The following MICAL2 variants were observed in gnomAD, a reference collection of about 807,000 sequenced individuals.
The protein encoded by MICAL2 is [F-actin]-monooxygenase MICAL2.
In MICAL2, 77 loss-of-function variants were observed where a neutral mutation model predicts 127.3. That is an observed-to-expected ratio of 0.60 (90% CI 0.50 to 0.73). The LOEUF is 0.73. MICAL2 is among the 30% of genes least tolerant of loss of function. MICAL2 has a pLI of 0.00. For synonymous variants in MICAL2, 570 were observed against 551.1 expected (o/e 1.03, Z -0.48); for missense variants, 1,351 against 1,434.4 (o/e 0.94, Z 0.94).
chr11:12,165,876 T>G (rs1261337757), intron 3 of MICAL2, among the ~76,000 whole-genome samples: 1 of 152,216 alleles, frequency 6.6e-6, no homozygotes, highest in East Asian at 1.9e-4. Flanking sequence ...CACTTGGGAT[T>G]ATTGTTTATT....
Position 12,241,167 on chromosome 11 carries a change from G to T in MICAL2, c.2337+5G>T. 2 of 1,612,334 alleles carry T rather than the reference G, an allele frequency of 1.2e-6. No individual in the cohort carries two copies. The highest frequency in any genetic ancestry group is 3.3e-5 in the Admixed American group (2 of 59,786). ...TCACCTCCTCTGAAAAGGCAGGTAG[G>T]GCTCCTTCCAGTGGATGCTGTTTTG... On this transcript the variant is annotated splice_donor_5th_base_variant and intron_variant, in intron 18 of 27. Transcript: ENST00000683283.
At chr11:12,211,818 G>A (rs917994663) in intron 6 of MICAL2, among the ~76,000 whole-genome samples, 13 of 152,162 alleles carry the variant, frequency 8.5e-5, no homozygotes, top group Non-Finnish European at 1.2e-4. Flanking sequence ...CAGGAGACCC[G>A]GCTTCCCTGC....
chr11:12,292,700 C>T (rs538251238), downstream of MICAL2, among the ~76,000 whole-genome samples: 1 of 152,336 alleles, frequency 6.6e-6, no homozygotes, highest in Admixed American at 6.5e-5. Flanking sequence ...GAAGCAACAT[C>T]TCCCTTGAAT....
downstream of MICAL2, among the ~76,000 whole-genome samples, chr11:12,289,803 A>G (rs745636067): frequency 4.1e-4 from 62 of 152,228 alleles, no homozygotes; most frequent in Middle Eastern, 3.4e-3. Flanking sequence ...TCCTGAGCTC[A>G]AGTGATCCAT....
intron 32 of MICAL2, among the ~76,000 whole-genome samples, chr11:12,347,425 A>G (rs903076319): frequency 6.6e-6 from 1 of 152,230 alleles, no homozygotes. Flanking sequence ...GTAACATTAT[A>G]TATCACTGTA....
chr11:12,226,150 T>C (rs993356760), intron 13 of MICAL2, 21 bp from the exon 14 acceptor site: 7 of 1,613,634 alleles, frequency 4.3e-6, no homozygotes, highest in Non-Finnish European at 5.9e-6. Flanking sequence ...TGAATTTCTC[T>C]GCTTTGTTTT....
In MICAL2 at chr11:12,162,090, C is replaced by G. The variant is rs1409494296; in HGVS notation, c.-66C>G. ...CCCTACTTTCACAGGTGTGACGTTT[C>G]TCCAGATACTTCATGCTGTTCACCT... On this transcript the variant is annotated 5_prime_UTR_variant, in exon 3 of 28. Coordinates refer to ENST00000683283, the MANE Select transcript of MICAL2 (RefSeq NM_001282663.2). 1.2e-6 allele frequency: 2 copies of G among 1,600,246 alleles called. No individual in the cohort carries two copies. The highest frequency in any genetic ancestry group is 2.7e-5 in the African/African-American group (2 of 74,616).
chr11:12,361,409 T>C (rs975985736), downstream of MICAL2, among the ~76,000 whole-genome samples: 4 of 152,186 alleles, frequency 2.6e-5, no homozygotes, highest in African/African-American at 7.2e-5. Context: ...AAGAAATAGG[T>C]ACCATCCCCA....
Position 12,221,877 on chromosome 11 carries a change from A to C in MICAL2, c.1322+118A>C, listed in dbSNP as rs559157719. 26 of 693,698 alleles carry C rather than the reference A, an allele frequency of 3.7e-5. No individual in the cohort carries two copies. The African/African-American group carries it at 4.1e-4, about 11-fold the overall frequency. The allele number at this position is 693,698 out of a possible 1,614,324, so 43.0% of individuals were successfully genotyped here. A position where few individuals can be genotyped will look rare whatever the true frequency, so the allele number is the denominator to read the frequency against. ...CTGGAGCCTCTGCCTCCTCCATTCT[A>C]CCTTCCCATGTGTGGCCTGATTTGA... On this transcript the variant is annotated intron_variant, in intron 10 of 27. Transcript: ENST00000683283.
chr11:12,234,427 TG>T (rs760074936), intron 15 of MICAL2, among the ~76,000 whole-genome samples: 17 of 152,192 alleles, frequency 1.1e-4, no homozygotes, highest in Non-Finnish European at 2.2e-4. Flanking sequence ...GCTGTGGAGC[TG>T]GGGGTCCAGA....
intron 3 of MICAL2, among the ~76,000 whole-genome samples, chr11:12,189,209 G>C (rs1250026741): frequency 6.6e-6 from 1 of 152,162 alleles, no homozygotes; most frequent in Non-Finnish European, 1.5e-5. Context: ...TGCATCTGCT[G>C]TAAGTGGCTT....
At chr11:12,168,876 G>T (rs2133858410) in intron 3 of MICAL2, among the ~76,000 whole-genome samples, 1 of 149,696 alleles carries the variant, frequency 6.7e-6, no homozygotes, top group Admixed American at 6.7e-5. Flanking sequence ...GAGCCCAGGA[G>T]GTCAAGGCGG....
rs549889937 is a variant in MICAL2 at position 12,257,470 on chromosome 11, C to T, written c.3142+499C>T. Among the ~76,000 whole-genome samples, 34 of 152,258 alleles carry T rather than the reference C, an allele frequency of 2.2e-4. No individual in the cohort carries two copies. The South Asian group carries it at 5.8e-3, about 26-fold the overall frequency. On this transcript the variant is annotated intron_variant, in intron 24 of 27. Coordinates refer to ENST00000683283, the MANE Select transcript of MICAL2 (RefSeq NM_001282663.2). ...AATGGAGGAATCATGCTCATCGGAA[C>T]GAATGATTATTTTCTAATTTTCAGC...
intron 3 of MICAL2, among the ~76,000 whole-genome samples, chr11:12,186,562 A>G (rs989934016): frequency 2.0e-5 from 3 of 151,906 alleles, no homozygotes; most frequent in Admixed American, 1.3e-4. Flanking sequence ...TTTTTTAAAG[A>G]TGCATGGTCT....
At chr11:12,111,625 T>C (rs1849615652) in intron 1 of MICAL2, among the ~76,000 whole-genome samples, 1 of 152,184 alleles carries the variant, frequency 6.6e-6, no homozygotes, top group Non-Finnish European at 1.5e-5. Context: ...GGAAAGAGCT[T>C]TTATTTGGAA....
intron 1 of MICAL2, among the ~76,000 whole-genome samples, chr11:12,115,896 C>T (rs372613133): frequency 2.0e-5 from 3 of 151,928 alleles, no homozygotes; most frequent in Admixed American, 6.5e-5. Context: ...ATTGGGATTT[C>T]GATATTTGCT....
intron 31 of MICAL2, among the ~76,000 whole-genome samples, chr11:12,325,973 GA>G (rs1381495200): frequency 4.6e-5 from 7 of 152,336 alleles, no homozygotes; most frequent in Middle Eastern, 3.4e-3. Flanking sequence ...AAGAGGGCAT[GA>G]AATTACAAAT....
At chr11:12,184,274 T>G (rs1425884510) in intron 3 of MICAL2, among the ~76,000 whole-genome samples, 1 of 152,240 alleles carries the variant, frequency 6.6e-6, no homozygotes, top group Non-Finnish European at 1.5e-5. Flanking sequence ...TCAGGACTGT[T>G]TGAAAGGACT....
intron 32 of MICAL2, chr11:12,349,754 T>C: frequency 7.5e-7 from 1 of 1,340,034 alleles, no homozygotes; most frequent in Non-Finnish European, 1.1e-6. Flanking sequence ...ACTACAAACA[T>C]AACCTGCTAA....
Sources: allele counts gnomAD v4.1 joint callset (sites outside exome capture counted in the v4.1 genomes callset), GRCh38; gene constraint gnomAD v4.1.1; transcripts MANE v1.5; gene names NCBI Gene and HGNC (gene_info 2026-07-23, HGNC 2026-07-21).